The following KCNAB1 variants were observed in gnomAD, a reference collection of about 807,000 sequenced individuals.
KCNAB1 encodes potassium voltage-gated channel subfamily A regulatory beta subunit 1, also known as voltage-gated potassium channel subunit beta-1.
Under a neutral mutation model 64.6 loss-of-function variants are expected in KCNAB1, and 35 were observed. The ratio of observed to expected loss-of-function variants is 0.54; its 90% CI spans 0.41 to 0.72. The LOEUF is 0.72. Among genes scored for constraint, KCNAB1 ranks in the 30% least tolerant of loss-of-function variants. The pLI is 0.00. For missense variants in KCNAB1, 401 were observed against 512.9 expected (o/e 0.78, Z 2.11); for synonymous variants, 177 against 183.8 (o/e 0.96, Z 0.30).
chr3:156,419,477 G>C (rs1715322188), intron 1 of KCNAB1, among the ~76,000 whole-genome samples: 1 of 150,202 alleles, frequency 6.7e-6, no homozygotes, highest in Non-Finnish European at 1.5e-5. Context: ...CTCCAGCCTG[G>C]GCAACAGAGC....
intron 1 of KCNAB1, among the ~76,000 whole-genome samples, chr3:156,177,568 G>A (rs1465918857): frequency 5.3e-5 from 8 of 151,938 alleles, no homozygotes; most frequent in Admixed American, 2.0e-4. Flanking sequence ...TAGTAGAGAC[G>A]GGGTTTCACC....
At chr3:156,309,127 G>A (rs1436355768) in intron 1 of KCNAB1, among the ~76,000 whole-genome samples, 2 of 151,936 alleles carry the variant, frequency 1.3e-5, no homozygotes, top group East Asian at 1.9e-4. Flanking sequence ...TTTTTTTCTT[G>A]TCTTACCTAC....
At chr3:156,147,670 G>A (rs985165471) in intron 1 of KCNAB1, among the ~76,000 whole-genome samples, 3 of 152,078 alleles carry the variant, frequency 2.0e-5, no homozygotes, top group African/African-American at 4.8e-5. Flanking sequence ...ACGGCAGGGA[G>A]AAGGCTATAA....
At chr3:156,356,819 T>C (rs1725275460) in intron 1 of KCNAB1, among the ~76,000 whole-genome samples, 1 of 152,224 alleles carries the variant, frequency 6.6e-6, no homozygotes, top group Non-Finnish European at 1.5e-5. Context: ...GCAATGTTTC[T>C]TTTGAATTCT....
At chr3:156,456,105 T>C (rs542893221) in intron 3 of KCNAB1, 1 of 152,230 alleles carries the variant, frequency 6.6e-6, no homozygotes, top group Admixed American at 6.5e-5. Context: ...ATGATTTGCC[T>C]ACGTTTATTT....
chr3:156,271,474 A>G (rs754522773), intron 1 of KCNAB1, among the ~76,000 whole-genome samples: 8 of 151,436 alleles, frequency 5.3e-5, no homozygotes, highest in Non-Finnish European at 1.2e-4. Flanking sequence ...CTGTTAAGAG[A>G]CTCTAATGCA....
intron 1 of KCNAB1, among the ~76,000 whole-genome samples, chr3:156,134,315 C>T (rs1714175712): frequency 6.6e-6 from 1 of 152,150 alleles, no homozygotes. Flanking sequence ...TGTATCCTCA[C>T]CTTGCTGTAA....
chr3:156,494,963 G>A (rs909872833), intron 8 of KCNAB1, among the ~76,000 whole-genome samples: 3 of 151,822 alleles, frequency 2.0e-5, no homozygotes, highest in Non-Finnish European at 4.4e-5. Flanking sequence ...ACAGATCATC[G>A]CATGACCCAG....
intron 1 of KCNAB1, among the ~76,000 whole-genome samples, chr3:156,347,549 C>A (rs190158223): frequency 1.3e-5 from 2 of 152,176 alleles, no homozygotes; most frequent in Admixed American, 1.3e-4. Flanking sequence ...ACTCATCCAC[C>A]AGTTAGCACA....
chr3:156,418,324 A>G (rs1450331469), intron 1 of KCNAB1, among the ~76,000 whole-genome samples: 6 of 152,240 alleles, frequency 3.9e-5, no homozygotes, highest in Non-Finnish European at 7.3e-5. Flanking sequence ...AAAATTCTAC[A>G]TGAGTGAGAT....
At chr3:156,335,791 A>G (rs1723658245) in intron 1 of KCNAB1, among the ~76,000 whole-genome samples, 2 of 152,150 alleles carry the variant, frequency 1.3e-5, no homozygotes, top group Non-Finnish European at 2.9e-5. Flanking sequence ...AGATAGAAAG[A>G]ACACAATGCC....
chr3:156,260,403 C>T (rs540858229), intron 1 of KCNAB1, among the ~76,000 whole-genome samples: 13 of 152,186 alleles, frequency 8.5e-5, no homozygotes, highest in Non-Finnish European at 1.8e-4. Flanking sequence ...AAAAAGTTCG[C>T]TCATTCCTGT....
Position 156,306,909 on chromosome 3 carries a change from T to G in KCNAB1, c.276-114707T>G, listed in dbSNP as rs1247396736. The stretch of plus-strand genomic sequence containing the variant: ...AATCACGTGGTAAACATGGACAGAA[T>G]TCCCTGACGCTGAAGAGTCTAAGAC... On this transcript the variant is annotated intron_variant, in intron 1 of 13. Transcript: ENST00000490337. Among the ~76,000 whole-genome samples the G allele has an allele frequency of 2.0e-5, 3 of 152,216 alleles. No individual in the cohort carries two copies. In the East Asian group the frequency reaches 5.8e-4, roughly 29 times the overall value.
chr3:156,448,970 A>C (rs1711793085), intron 2 of KCNAB1, among the ~76,000 whole-genome samples: 1 of 152,162 alleles, frequency 6.6e-6, no homozygotes, highest in African/African-American at 2.4e-5. Flanking sequence ...CTTACTCTCT[A>C]GTAAAAGATA....
At chr3:156,408,265 C>A (rs1470454699) in intron 1 of KCNAB1, among the ~76,000 whole-genome samples, 1 of 152,162 alleles carries the variant, frequency 6.6e-6, no homozygotes, top group Non-Finnish European at 1.5e-5. Flanking sequence ...AATCGGGTCA[C>A]TTCAGATGCA....
chr3:156,528,740 TTGGAGA>T (rs746776034), intron 12 of KCNAB1, among the ~76,000 whole-genome samples: 4 of 152,158 alleles, frequency 2.6e-5, no homozygotes, highest in Non-Finnish European at 5.9e-5. Context: ...AGCAAGATGC[TTGGAGA>T]TGGAGAGGAT....
At chr3:156,193,307 A>G (rs766616583) in intron 1 of KCNAB1, among the ~76,000 whole-genome samples, 2 of 152,142 alleles carry the variant, frequency 1.3e-5, no homozygotes, top group African/African-American at 2.4e-5. Context: ...CCATACAACC[A>G]TTCTGTTTTT....
intron 1 of KCNAB1, among the ~76,000 whole-genome samples, chr3:156,402,813 A>T (rs1713995558): frequency 6.6e-6 from 1 of 152,220 alleles, no homozygotes; most frequent in South Asian, 2.1e-4. Flanking sequence ...TATTCTCTAA[A>T]TTCCTTTGTT....
intron 1 of KCNAB1, among the ~76,000 whole-genome samples, chr3:156,304,820 A>G (rs1185169973): frequency 6.6e-6 from 1 of 152,248 alleles, no homozygotes; most frequent in African/African-American, 2.4e-5. Flanking sequence ...AGGGAGGAAT[A>G]AAAGCATCAT....
Sources: allele counts gnomAD v4.1 joint callset (sites outside exome capture counted in the v4.1 genomes callset), GRCh38; gene constraint gnomAD v4.1.1; transcripts MANE v1.5; gene names NCBI Gene and HGNC (gene_info 2026-07-23, HGNC 2026-07-21).